CHAF1B: variants seen among roughly 807,000 people sequenced by gnomAD.
The protein encoded by CHAF1B is chromatin assembly factor 1 subunit B.
CHAF1B carries 10 observed loss-of-function variants against 60.7 expected under a neutral mutation model. That is an observed-to-expected ratio of 0.16 (90% CI 0.10 to 0.28). The LOEUF (loss-of-function observed/expected upper bound fraction) is 0.28. CHAF1B is among the 10% of genes least tolerant of loss of function. CHAF1B has a pLI of 1.00. For missense variants in CHAF1B, 558 were observed against 708.4 expected, an observed-to-expected ratio of 0.79 and a Z score of 2.41; for synonymous variants, 261 against 266.1, an observed-to-expected ratio of 0.98 and a Z score of 0.19.
chr21:36,412,353 C>T (rs1217084867), intron 11 of CHAF1B, among the ~76,000 whole-genome samples: 1 of 152,008 alleles, frequency 6.6e-6, no homozygotes, highest in Non-Finnish European at 1.5e-5. Context: ...CCGTGGCCTG[C>T]TTGGCCCAGT....
intron 4 of CHAF1B, among the ~76,000 whole-genome samples, chr21:36,392,083 T>C (rs1375758995): frequency 2.0e-5 from 3 of 151,570 alleles, no homozygotes; most frequent in African/African-American, 7.3e-5. Context: ...CCTTCCGCAG[T>C]GTTTGTGTCC....
chr21:36,395,265 C>T (rs1027493551), intron 5 of CHAF1B, among the ~76,000 whole-genome samples: 12 of 152,002 alleles, frequency 7.9e-5, no homozygotes, highest in Non-Finnish European at 1.6e-4. Context: ...CCAGTCTGGT[C>T]TCTATCTCTT....
At chr21:36,394,155 C>T (rs571727351) in intron 4 of CHAF1B, among the ~76,000 whole-genome samples, 1 of 151,656 alleles carries the variant, frequency 6.6e-6, no homozygotes, top group Non-Finnish European at 1.5e-5. Context: ...TGGCTCACTG[C>T]AATCTCTGCC....
rs868507219 is a variant in CHAF1B, at chr21:36,410,119, C to A, written c.919+654C>A. On this transcript the variant is annotated intron_variant, in intron 10 of 13. Transcript: ENST00000314103. ...CTGGGATTACAGGCGCATGCCACCA[C>A]ACCCAGCTAATTTTTGTATTTTTAG... Among the ~76,000 whole-genome samples the A allele has an allele frequency of 3.3e-5, 5 of 151,826 alleles. No individual in the cohort carries two copies. In the South Asian group the frequency reaches 1.0e-3, roughly 32 times the overall value.
chr21:36,402,620 CTA>C, intron 7 of CHAF1B, 136 bp from the exon 8 acceptor site: 3 of 660,182 alleles, frequency 4.5e-6, no homozygotes, highest in Non-Finnish European at 8.0e-6. Flanking sequence ...ATAAATGACA[CTA>C]TGTAAAGAAA....
chr21:36,396,358 CAA>C (rs777079304), intron 5 of CHAF1B, among the ~76,000 whole-genome samples: 22 of 52,812 alleles, frequency 4.2e-4, no homozygotes, highest in African/African-American at 1.2e-3. Flanking sequence ...CCAAAAACCT[CAA>C]AAAAAAAAAA....
intron 8 of CHAF1B, 105 bp from the exon 9 acceptor site, chr21:36,408,656 G>A (rs1340628321): frequency 2.8e-6 from 2 of 722,704 alleles, no homozygotes; most frequent in Non-Finnish European, 5.0e-6. Flanking sequence ...ACTGCAGGGG[G>A]AAGTATTTTG....
intron 1 of CHAF1B, 40 bp from the exon 2 acceptor site, chr21:36,386,020 C>T: frequency 7.8e-7 from 1 of 1,277,328 alleles, no homozygotes; most frequent in Non-Finnish European, 1.1e-6. Context: ...GCTCAATAAC[C>T]CTTTGCTGCT....
At chr21:36,411,152 C>T (rs1460519407) in intron 10 of CHAF1B, among the ~76,000 whole-genome samples, 1 of 149,338 alleles carries the variant, frequency 6.7e-6, no homozygotes, top group African/African-American at 2.5e-5. Context: ...CTTCCTCTGC[C>T]ACTAAGGCTG....
At position 36,416,049 on chromosome 21, in the gene CHAF1B, C is replaced by T. The variant is rs571775128; in HGVS notation, c.1589-226C>T. Among the ~76,000 whole-genome samples the T allele has an allele frequency of 6.9e-4, 105 of 152,296 alleles. 1 individual carries two copies. In the South Asian group the frequency reaches 0.012, roughly 18 times the overall value. On this transcript the variant is annotated intron_variant, in intron 13 of 13. Transcript: ENST00000314103. Reference sequence around the variant, plus strand: ...GATTACAGGCGTGAGCCACCGCGCCCAGCTTGCCCATGACATTCAAAAATG... The same window carrying T: ...GATTACAGGCGTGAGCCACCGCGCCTAGCTTGCCCATGACATTCAAAAATG...
intron 8 of CHAF1B, among the ~76,000 whole-genome samples, chr21:36,405,019 C>T (rs1375093409): frequency 5.5e-5 from 8 of 144,256 alleles, no homozygotes; most frequent in Non-Finnish European, 7.7e-5. Flanking sequence ...GTTGGGATTA[C>T]AGGTTACAGG....
At chr21:36,414,242 A>G (rs994981712) in intron 12 of CHAF1B, among the ~76,000 whole-genome samples, 13 of 152,026 alleles carry the variant, frequency 8.6e-5, no homozygotes, top group African/African-American at 2.9e-4. Flanking sequence ...CTTCCCATAA[A>G]CTGAGTCACG....
At chr21:36,404,001 C>A (rs2086214152) in intron 8 of CHAF1B, among the ~76,000 whole-genome samples, 1 of 152,110 alleles carries the variant, frequency 6.6e-6, no homozygotes, top group South Asian at 2.1e-4. Flanking sequence ...GACACTTTGG[C>A]CCAAGAAGTC....
At chr21:36,398,556 C>G (rs2086161687) in intron 6 of CHAF1B, among the ~76,000 whole-genome samples, 1 of 152,098 alleles carries the variant, frequency 6.6e-6, no homozygotes, top group Non-Finnish European at 1.5e-5. Context: ...GACAGAGTTT[C>G]ACCGTATTGA....
At chr21:36,407,853 C>G (rs559633404) in intron 8 of CHAF1B, among the ~76,000 whole-genome samples, 1 of 152,174 alleles carries the variant, frequency 6.6e-6, no homozygotes, top group African/African-American at 2.4e-5. Context: ...TGGCAGGTGC[C>G]TGTAATCCCG....
At position 36,415,259 on chromosome 21, in the gene CHAF1B, GC is replaced by G. The variant is rs750566740; in HGVS notation, c.1494-34del. 4.8e-6 allele frequency: 6 copies of G among 1,238,204 alleles called. No homozygotes were observed. In the South Asian group the frequency reaches 6.1e-5, roughly 13 times the overall value. The allele number at this position is 1,238,204 out of a possible 1,614,324, so 76.7% of individuals were successfully genotyped here. On this transcript the variant is annotated intron_variant, in intron 12 of 13. Transcript: ENST00000314103. The stretch of plus-strand genomic sequence containing the variant: ...TAAACAATTCCTGTGATACTAATGA[GC>G]CATCACCCCTCTACTTTTTTTTTTT...
chr21:36,413,700 T>C (rs1177905430), intron 12 of CHAF1B, among the ~76,000 whole-genome samples: 1 of 152,210 alleles, frequency 6.6e-6, no homozygotes, highest in East Asian at 1.9e-4. Context: ...GGGGAAGCCC[T>C]GGACACCTCT....
chr21:36,389,800 T>TGTGCGCGCGCGCGCGCGCGC, intron 3 of CHAF1B, among the ~76,000 whole-genome samples: 68 of 124,794 alleles, frequency 5.4e-4, no homozygotes, highest in African/African-American at 2.3e-3. Flanking sequence ...TGTGTGTGTG[T>TGTGCGCGCGCGCGCGCGCGC]GCGCGCGCAC....
At position 36,399,595 on chromosome 21, in the gene CHAF1B, C is replaced by T. The variant is rs2086170731; in HGVS notation, c.653C>T (p.Ala218Val). 6.2e-7 allele frequency: 1 copy of T among 1,613,768 alleles called. No individual in the cohort carries two copies. The highest frequency in any genetic ancestry group is 1.3e-5 in the African/African-American group (1 of 75,038). ...NVSKMLSGIG[A>V]EGEARSYRMF... ...TCGAAGATGCTGTCTGGAATAGGGGCTGAAGGAGAGGTATAAAATATTTTG... is the reference window on the plus strand; with the variant it reads ...TCGAAGATGCTGTCTGGAATAGGGGTTGAAGGAGAGGTATAAAATATTTTG... The change falls in exon 7 of 14, where the codon GCT becomes GTT. Residue 218 changes from alanine to valine, a missense_variant. Ala to Val is a moderately conservative substitution (Grantham distance 64). Transcript: ENST00000314103.
Sources: gnomAD v4.1 joint callset for allele counts (sites outside exome capture counted in the v4.1 genomes callset) on GRCh38, gnomAD v4.1.1 for gene constraint, MANE v1.5 for transcripts, NCBI Gene and HGNC (gene_info 2026-07-23, HGNC 2026-07-21) for gene names.